TMEM53: variants seen among roughly 807,000 people sequenced by gnomAD.
TMEM53 encodes the protein transmembrane protein 53.
TMEM53 carries 14 observed loss-of-function variants against 21.4 expected under a neutral mutation model. The ratio of observed to expected loss-of-function variants is 0.65; its 90% CI spans 0.43 to 1.02. The LOEUF is 1.02. Among genes scored for constraint, TMEM53 ranks in the 50% least tolerant of loss-of-function variants. The probability of loss-of-function intolerance (pLI) is 0.00; values close to 1 mark genes in which losing one functional copy is unlikely to be tolerated. For synonymous variants in TMEM53, 148 were observed against 157.4 expected (o/e 0.94, Z 0.45); for missense variants, 323 against 383.6 (o/e 0.84, Z 1.32).
chr1:44,669,670 T>C (rs1172960135), intron 1 of TMEM53, among the ~76,000 whole-genome samples: 2 of 152,080 alleles, frequency 1.3e-5, no homozygotes, highest in Non-Finnish European at 2.9e-5. Flanking sequence ...GGATAGAACA[T>C]GGTTAACAGT....
In TMEM53 at chr1:44,655,160, G is replaced by A; in HGVS notation, c.233C>T (p.Ser78Phe). The change falls in exon 3 of 3, where the codon TCC becomes TTC. Residue 78 changes from serine to phenylalanine, a missense_variant. Around this residue, in one of 3 missense-constraint regions of TMEM53, gnomAD observed 269 missense variants for 334.5 expected, o/e 0.80. Coordinates refer to ENST00000372237, the MANE Select transcript of TMEM53 (RefSeq NM_024587.4). The surrounding 1 kb of genome is among the most constrained non-coding windows in gnomAD (Gnocchi z 4.4). The stretch of plus-strand genomic sequence containing the variant: ...AAGTGAAGGGATACCCAGTGACTCG[G>A]AGAAGAAGACCATGTGCCACGGGGC... The part of the protein sequence containing the change: ...YTAPWHMVFF[S>F]ESLGIPSLRV... 1 of 1,613,754 alleles carries A rather than the reference G, an allele frequency of 6.2e-7. No homozygotes were observed. The highest frequency in any genetic ancestry group is 8.5e-7 in the Non-Finnish European group (1 of 1,179,826).
chr1:44,671,908 G>A (rs1056215005), intron 1 of TMEM53, among the ~76,000 whole-genome samples: 2 of 152,160 alleles, frequency 1.3e-5, no homozygotes, highest in African/African-American at 2.4e-5. Flanking sequence ...CAGCCTGGGC[G>A]ACAGAGTTAG....
intron 1 of TMEM53, among the ~76,000 whole-genome samples, chr1:44,660,990 CAAA>C (rs900914584): frequency 3.3e-5 from 5 of 150,548 alleles, no homozygotes; most frequent in African/African-American, 9.7e-5. Context: ...AAAAAAAAAT[CAAA>C]AGAATATTTT....
intron 2 of TMEM53, among the ~76,000 whole-genome samples, chr1:44,659,397 A>G (rs1349484445): frequency 6.6e-6 from 1 of 152,190 alleles, no homozygotes; most frequent in Non-Finnish European, 1.5e-5. Flanking sequence ...CTGGAGGCCC[A>G]AGATGTGAGA....
chr1:44,657,430 G>T (rs1232254616), intron 2 of TMEM53, among the ~76,000 whole-genome samples: 1 of 152,156 alleles, frequency 6.6e-6, no homozygotes, highest in Non-Finnish European at 1.5e-5. Context: ...GATTCAATAG[G>T]TCTCATGTAG....
rs534886618 is a variant in TMEM53, at chr1:44,672,351, C to G, written c.61+1980G>C. ...TATCGTTCCCACCACAATGCTCTAGCCCTGCAGTTAGCACACCATTTTGAA... is the reference window on the plus strand; with the variant it reads ...TATCGTTCCCACCACAATGCTCTAGGCCTGCAGTTAGCACACCATTTTGAA... On this transcript the variant is annotated intron_variant, in intron 1 of 2. Transcript: ENST00000372237. Among the ~76,000 whole-genome samples, 6 of 152,360 alleles carry G rather than the reference C, an allele frequency of 3.9e-5. No individual in the cohort carries two copies. In the South Asian group the frequency reaches 1.2e-3, roughly 32 times the overall value.
Position 44,654,387 on chromosome 1 carries a change from CCAG to C in TMEM53, c.*169_*171del. On this transcript the variant is annotated 3_prime_UTR_variant, in exon 3 of 3. Coordinates refer to ENST00000372237, the MANE Select transcript of TMEM53 (RefSeq NM_024587.4). This position sits in a 1 kb window ranked among gnomAD's most constrained non-coding sequence, Gnocchi z 7.0. ...TTAGGATTCTGTGGTAAGCAGACCACCAGCAGACAGAGGCCCCCAGGAGACAGG... is the reference window on the plus strand; with the variant it reads ...TTAGGATTCTGTGGTAAGCAGACCACCAGACAGAGGCCCCCAGGAGACAGG... 1.4e-6 allele frequency: 1 copy of C among 717,570 alleles called. No homozygotes were observed. Among genetic ancestry groups the C allele is most frequent in the Non-Finnish European group, 2.3e-6 (1 of 438,708 alleles). 44.5% of individuals were successfully genotyped at this position (717,570 alleles called of 1,614,324 possible).
At chr1:44,660,603 C>T (rs74839172) in intron 1 of TMEM53, among the ~76,000 whole-genome samples, 34,725 of 151,996 alleles carry the variant, frequency 0.23, 5,265 homozygotes, top group Middle Eastern at 0.35. Context: ...CAGGGCTCAG[C>T]GAACTACAAC....
chr1:44,660,281 G>C lies in TMEM53; in HGVS notation c.76C>G (p.Pro26Ala), dbSNP rs200411491. ...PCWSQKNSPS[P>A]GGKEAETRQP... Reference sequence around the variant, plus strand: ...CGAGTTTCTGCCTCCTTCCCACCTGGGCTGGGGCTGTTCTCTGAAACACAG... The same window carrying C: ...CGAGTTTCTGCCTCCTTCCCACCTGCGCTGGGGCTGTTCTCTGAAACACAG... Residue 26 changes from proline to alanine, a missense_variant, in exon 2 of 3, where the codon CCA becomes GCA. Physicochemically the swap from Pro to Ala is conservative, Grantham distance 27. This residue lies in a region of TMEM53 where 49 missense variants were observed against 32.9 expected (regional missense o/e 1.49). Transcript: ENST00000372237. 21 of 1,613,716 alleles carry C rather than the reference G, an allele frequency of 1.3e-5. No individual in the cohort carries two copies. The highest frequency in any genetic ancestry group is 1.8e-5 in the Non-Finnish European group (21 of 1,179,922).
At chr1:44,673,089 T>C (rs894906429) in intron 1 of TMEM53, among the ~76,000 whole-genome samples, 1 of 152,232 alleles carries the variant, frequency 6.6e-6, no homozygotes, top group Admixed American at 6.5e-5. Context: ...GAAATAATAT[T>C]AACTGACTTC....
At chr1:44,673,717 T>C (rs748399642) in intron 1 of TMEM53, 1 of 482,920 alleles carries the variant, frequency 2.1e-6, no homozygotes, top group Admixed American at 6.4e-5. Flanking sequence ...TTACTATCCT[T>C]ATCCCGGTTT....
At position 44,674,362 on chromosome 1, in the gene TMEM53, G is replaced by A. The variant is rs1023780863; in HGVS notation, c.30C>T (p.Ile10=). 11 of 1,613,048 alleles carry A rather than the reference G, an allele frequency of 6.8e-6. No individual in the cohort carries two copies. Among genetic ancestry groups the A allele is most frequent in the Non-Finnish European group, 7.6e-6 (9 of 1,179,434 alleles). MASAELDYT[I]EIPDQPCWSQ... Reference sequence around the variant, plus strand: ...TCCAGCAGGGCTGATCCGGGATCTCGATGGTGTAGTCCAGCTCTGCCGAGG... The same window carrying A: ...TCCAGCAGGGCTGATCCGGGATCTCAATGGTGTAGTCCAGCTCTGCCGAGG... The change falls in exon 1 of 3, where the codon ATC becomes ATT. Residue 10 remains isoleucine, a synonymous_variant. Transcript: ENST00000372237.
chr1:44,659,763 G>C (rs919677069), intron 2 of TMEM53, among the ~76,000 whole-genome samples: 22 of 152,078 alleles, frequency 1.4e-4, no homozygotes. Flanking sequence ...AAGCCATCAG[G>C]AGACCAAAGG....
chr1:44,671,348 G>T (rs1170943186), intron 1 of TMEM53, among the ~76,000 whole-genome samples: 2 of 152,234 alleles, frequency 1.3e-5, no homozygotes, highest in Non-Finnish European at 2.9e-5. Context: ...CAAGGCCCAG[G>T]GCTCTGAATG....
At position 44,667,315 on chromosome 1, in the gene TMEM53, G is replaced by GTTT. The variant is rs5773848; in HGVS notation, c.61+7013_61+7015dup. On this transcript the variant is annotated intron_variant, in intron 1 of 2. Transcript: ENST00000372237. ...TACACAAACGCACACTTTTTTTGTTGTTTTTTTTTTTTTTGACAGTCTCAC... is the reference window on the plus strand; with the variant it reads ...TACACAAACGCACACTTTTTTTGTTGTTTTTTTTTTTTTTTTTGACAGTCTCAC... Among the ~76,000 whole-genome samples, 23 of 138,288 alleles carry GTTT rather than the reference G, an allele frequency of 1.7e-4. 1 individual carries two copies. Among genetic ancestry groups the GTTT allele is most frequent in the African/African-American group, 5.0e-4 (19 of 38,334 alleles). The allele number at this position is 138,288 out of a possible 152,430, so 90.7% of individuals were successfully genotyped here. A position where few individuals can be genotyped will look rare whatever the true frequency, so the allele number is the denominator to read the frequency against.
intron 1 of TMEM53, among the ~76,000 whole-genome samples, chr1:44,664,761 T>C (rs1644933095): frequency 6.6e-6 from 1 of 152,206 alleles, no homozygotes; most frequent in South Asian, 2.1e-4. Context: ...CTTCAATATA[T>C]GCTGCCTCAT....
intron 1 of TMEM53, among the ~76,000 whole-genome samples, chr1:44,671,455 C>T (rs1644999835): frequency 1.3e-5 from 2 of 152,208 alleles, no homozygotes. Context: ...TTCGATTTTT[C>T]AAATACAGGG....
At chr1:44,657,195 A>G (rs1644858415) in intron 2 of TMEM53, among the ~76,000 whole-genome samples, 1 of 152,166 alleles carries the variant, frequency 6.6e-6, no homozygotes, top group Non-Finnish European at 1.5e-5. Flanking sequence ...CCTTGAATCT[A>G]AAATCAGGTG....
chr1:44,672,180 G>A (rs1203514717), intron 1 of TMEM53, among the ~76,000 whole-genome samples: 1 of 152,208 alleles, frequency 6.6e-6, no homozygotes, highest in African/African-American at 2.4e-5. Context: ...CATGGACTGT[G>A]AGAGGGAAGG....
Sources: allele counts gnomAD v4.1 joint callset (sites outside exome capture counted in the v4.1 genomes callset), GRCh38; gene constraint gnomAD v4.1.1; regional missense constraint gnomAD v4.1.1; non-coding constraint Gnocchi (gnomAD v3.1); transcripts MANE v1.5; gene names NCBI Gene and HGNC (gene_info 2026-07-23, HGNC 2026-07-21).